Variants in LSAMP observed in about 807,000 individuals in gnomAD.
The protein encoded by LSAMP is limbic system-associated membrane protein.
Under a neutral mutation model 38.6 loss-of-function variants are expected in LSAMP, and 7 were observed. That is an observed-to-expected ratio of 0.18 (90% confidence interval 0.10 to 0.34). The LOEUF is 0.34. Ranked by LOEUF, LSAMP falls within the 10% of genes least tolerant of loss-of-function variation. The pLI is 1.00. For missense variants in LSAMP, 313 were observed against 420.0 expected (o/e 0.75, Z 2.23); for synonymous variants, 154 against 166.8 (o/e 0.92, Z 0.59).
chr3:115,930,719 G>T (rs1290827965), intron 3 of LSAMP, among the ~76,000 whole-genome samples: 1 of 152,122 alleles, frequency 6.6e-6, no homozygotes, highest in African/African-American at 2.4e-5. Flanking sequence ...TTCGTTAGTG[G>T]TCAAATGCTA....
chr3:116,190,873 A>T (rs913284957), intron 1 of LSAMP, among the ~76,000 whole-genome samples: 2 of 152,184 alleles, frequency 1.3e-5, no homozygotes, highest in Admixed American at 6.5e-5. Flanking sequence ...CCTAGAGTTC[A>T]CGTCTATTCC....
intron 1 of LSAMP, among the ~76,000 whole-genome samples, chr3:116,149,004 C>A (rs752817102): frequency 6.6e-6 from 1 of 152,008 alleles, no homozygotes; most frequent in Non-Finnish European, 1.5e-5. Flanking sequence ...CAACTGATTG[C>A]ACAAGATCAT....
chr3:115,806,364 C>T lies in LSAMP; in HGVS notation c.*3953G>A, dbSNP rs1190335371. On this transcript the variant is annotated 3_prime_UTR_variant, in exon 7 of 7. Coordinates refer to ENST00000490035, the MANE Select transcript of LSAMP (RefSeq NM_002338.5). ...ATATTATTGTTTTCCACAAATAATT[C>T]GAGCCCTGCAAAGAACAAAATGAAA... 1.3e-5 allele frequency: 2 copies of T among 152,030 alleles called. No individual in the cohort carries two copies. The highest frequency in any genetic ancestry group is 1.9e-4 in the East Asian group (1 of 5,190). The allele number at this position is 152,030 out of a possible 1,614,324, so 9.4% of individuals were successfully genotyped here. A position where few individuals can be genotyped will look rare whatever the true frequency, so the allele number is the denominator to read the frequency against.
At chr3:116,424,834 C>T (rs1235627810) in intron 1 of LSAMP, among the ~76,000 whole-genome samples, 2 of 151,992 alleles carry the variant, frequency 1.3e-5, no homozygotes, top group Non-Finnish European at 2.9e-5. Context: ...TGGGAGTGTG[C>T]CATTTTATTA....
intron 1 of LSAMP, among the ~76,000 whole-genome samples, chr3:116,289,734 C>T (rs2047238928): frequency 6.6e-6 from 1 of 152,146 alleles, no homozygotes; most frequent in Non-Finnish European, 1.5e-5. Flanking sequence ...TTTTAGTTCA[C>T]TGTCCCAGCA....
At chr3:116,407,620 A>G (rs1185797554) in intron 1 of LSAMP, among the ~76,000 whole-genome samples, 1 of 152,092 alleles carries the variant, frequency 6.6e-6, no homozygotes, top group African/African-American at 2.4e-5. Context: ...GGGGTTGTTC[A>G]ATCTTAAGAA....
chr3:115,901,179 G>C (rs185771161), intron 3 of LSAMP, among the ~76,000 whole-genome samples: 32 of 152,094 alleles, frequency 2.1e-4, no homozygotes, highest in Middle Eastern at 3.4e-3. Flanking sequence ...ATCATTTGGG[G>C]TCTGAGAGTC....
At position 116,222,184 on chromosome 3, in the gene LSAMP, T is replaced by C. The variant is rs77315371; in HGVS notation, c.156-135628A>G. ...GAGAACCATGTTAACTCTCTGGGCG[T>C]GGTTCTTCATGTGTAAAAGGAGGGG... On this transcript the variant is annotated intron_variant, in intron 1 of 6. Coordinates refer to ENST00000490035, the MANE Select transcript of LSAMP (RefSeq NM_002338.5). Among the ~76,000 whole-genome samples, 1,108 of 151,828 alleles carry C rather than the reference T, an allele frequency of 7.3e-3. 15 individuals carry two copies. Among genetic ancestry groups the C allele is most frequent in the African/African-American group, 0.025 (1,023 of 41,352 alleles).
chr3:116,387,920 C>T lies in LSAMP; in HGVS notation c.155+56957G>A, dbSNP rs143355459. 8.7e-3 allele frequency among the ~76,000 whole-genome samples: 1,313 copies of T among 151,610 alleles called. 23 individuals are homozygous for T. Among genetic ancestry groups the T allele is most frequent in the African/African-American group, 0.03 (1,236 of 41,278 alleles). The stretch of plus-strand genomic sequence containing the variant: ...CATCCTGGCTAACACGGTGAAACCC[C>T]GTCTCTACTAAAAATACAAAAAAGA... On this transcript the variant is annotated intron_variant, in intron 1 of 6. Transcript: ENST00000490035.
chr3:116,398,474 G>A (rs1397974538), intron 1 of LSAMP, among the ~76,000 whole-genome samples: 15 of 152,242 alleles, frequency 9.9e-5, no homozygotes, highest in Non-Finnish European at 7.4e-5. Context: ...AACGTTGACC[G>A]ATTAGCTGAC....
At chr3:116,442,725 T>C (rs964531568) in intron 1 of LSAMP, among the ~76,000 whole-genome samples, 2 of 152,234 alleles carry the variant, frequency 1.3e-5, no homozygotes, top group African/African-American at 4.8e-5. Flanking sequence ...CTTATTTGCA[T>C]GCTCTGTTTG....
At chr3:116,212,935 A>G (rs1201520605) in intron 1 of LSAMP, among the ~76,000 whole-genome samples, 1 of 152,162 alleles carries the variant, frequency 6.6e-6, no homozygotes, top group Non-Finnish European at 1.5e-5. Flanking sequence ...CTGAGTAAAA[A>G]TGTAAAGACC....
At chr3:116,366,587 C>T (rs1020063528) in intron 1 of LSAMP, among the ~76,000 whole-genome samples, 1 of 152,092 alleles carries the variant, frequency 6.6e-6, no homozygotes, top group Non-Finnish European at 1.5e-5. Flanking sequence ...AGGAAAGCAT[C>T]TAAGGATTAA....
intron 1 of LSAMP, among the ~76,000 whole-genome samples, chr3:116,426,664 G>A (rs1168197273): frequency 6.6e-6 from 1 of 152,070 alleles, no homozygotes; most frequent in East Asian, 1.9e-4. Flanking sequence ...CAGCATTGCA[G>A]CACAATAGGG....
At chr3:116,110,349 C>G (rs1158572931) in intron 1 of LSAMP, among the ~76,000 whole-genome samples, 1 of 152,158 alleles carries the variant, frequency 6.6e-6, no homozygotes, top group African/African-American at 2.4e-5. Flanking sequence ...GGTCTTGCCG[C>G]TAAGGGTGAA....
chr3:116,281,430 C>T (rs2047124757), intron 1 of LSAMP, among the ~76,000 whole-genome samples: 1 of 152,132 alleles, frequency 6.6e-6, no homozygotes, highest in African/African-American at 2.4e-5. Flanking sequence ...AGAATGACAG[C>T]TATCATAACT....
chr3:116,367,384 C>A (rs2048368280), intron 1 of LSAMP, among the ~76,000 whole-genome samples: 1 of 152,000 alleles, frequency 6.6e-6, no homozygotes, highest in Admixed American at 6.5e-5. Context: ...GTTTCTGTAT[C>A]CCTTTTATTT....
intron 1 of LSAMP, among the ~76,000 whole-genome samples, chr3:116,423,978 T>C (rs1163278918): frequency 6.6e-6 from 1 of 152,116 alleles, no homozygotes; most frequent in Admixed American, 6.5e-5. Flanking sequence ...AACCAGAGTC[T>C]AGAACAGGTG....
intron 1 of LSAMP, among the ~76,000 whole-genome samples, chr3:116,158,445 C>T (rs959548966): frequency 6.6e-6 from 1 of 152,124 alleles, no homozygotes; most frequent in Non-Finnish European, 1.5e-5. Context: ...ATCCAGATAA[C>T]ACCATAGTAT....
Sources: allele counts gnomAD v4.1 joint callset (sites outside exome capture counted in the v4.1 genomes callset), GRCh38; gene constraint gnomAD v4.1.1; transcripts MANE v1.5; gene names NCBI Gene and HGNC (gene_info 2026-07-23, HGNC 2026-07-21).